The following NWD2 variants were observed in gnomAD, a reference collection of about 807,000 sequenced individuals.
NWD2 encodes NACHT and WD repeat domain containing 2.
NWD2 carries 37 observed loss-of-function variants against 132.7 expected under a neutral mutation model. That is an observed-to-expected ratio of 0.28 (90% CI 0.21 to 0.37). NWD2 has a LOEUF of 0.37. Ranked by LOEUF, NWD2 falls within the 10% of genes least tolerant of loss-of-function variation. The pLI, the probability that NWD2 is intolerant of heterozygous loss-of-function variation, is 1.00. For synonymous variants in NWD2, 705 were observed against 803.0 expected, an observed-to-expected ratio of 0.88 and a Z score of 2.06; for missense variants, 1,592 against 2,122.4, an observed-to-expected ratio of 0.75 and a Z score of 4.91.
intron 1 of NWD2, among the ~76,000 whole-genome samples, chr4:37,309,917 G>T (rs951753967): frequency 6.6e-6 from 1 of 152,152 alleles, no homozygotes; most frequent in African/African-American, 2.4e-5. Flanking sequence ...GCCTTTTTGT[G>T]TGAAGGAAGC....
intron 1 of NWD2, among the ~76,000 whole-genome samples, chr4:37,259,138 T>G (rs992952768): frequency 6.6e-6 from 1 of 152,228 alleles, no homozygotes; most frequent in African/African-American, 2.4e-5. Context: ...ATCTAGATTA[T>G]GCACTGCCCA....
chr4:37,316,443 A>G (rs1718959735), intron 1 of NWD2, among the ~76,000 whole-genome samples: 1 of 151,934 alleles, frequency 6.6e-6, no homozygotes, highest in African/African-American at 2.4e-5. Flanking sequence ...GTTTGACTAT[A>G]TGTGTCTAAA....
At chr4:37,279,633 C>A (rs1718088904) in intron 1 of NWD2, among the ~76,000 whole-genome samples, 1 of 152,014 alleles carries the variant, frequency 6.6e-6, no homozygotes, top group Non-Finnish European at 1.5e-5. Context: ...TCTTCCCTGG[C>A]AAAAATCAGT....
At chr4:37,423,550 G>A (rs144699481) in intron 3 of NWD2, among the ~76,000 whole-genome samples, 9 of 152,212 alleles carry the variant, frequency 5.9e-5, no homozygotes, top group South Asian at 2.1e-4. Flanking sequence ...GTCCAAGAGC[G>A]GAAGATCAAT....
intron 3 of NWD2, among the ~76,000 whole-genome samples, chr4:37,420,310 G>C (rs115224906): frequency 6.6e-6 from 1 of 152,112 alleles, no homozygotes; most frequent in African/African-American, 2.4e-5. Flanking sequence ...AAAGGTTGGT[G>C]ATCCTCAACT....
chr4:37,370,720 A>T lies in NWD2; in HGVS notation c.357+14238A>T, dbSNP rs906365634. ...AATTTATCAGATGAGATACGCTTTTAAAGAATCTAGATTAGTTGTCATATC... is the reference window on the plus strand; with the variant it reads ...AATTTATCAGATGAGATACGCTTTTTAAGAATCTAGATTAGTTGTCATATC... On this transcript the variant is annotated intron_variant, in intron 3 of 6. Transcript: ENST00000309447. Among the ~76,000 whole-genome samples the T allele has an allele frequency of 3.9e-5, 6 of 152,368 alleles. 1 individual carries two copies. Among genetic ancestry groups the T allele is most frequent in the Middle Eastern group, 6.8e-3 (2 of 294 alleles).
intron 2 of NWD2, among the ~76,000 whole-genome samples, chr4:37,345,898 T>C (rs1719624956): frequency 6.6e-6 from 1 of 151,992 alleles, no homozygotes; most frequent in Non-Finnish European, 1.5e-5. Context: ...ATGGCCAACA[T>C]GGCAAAATCC....
At chr4:37,386,852 CCCT>C in intron 3 of NWD2, among the ~76,000 whole-genome samples, 1 of 152,080 alleles carries the variant, frequency 6.6e-6, no homozygotes, top group Admixed American at 6.5e-5. Flanking sequence ...ATTGGAACCT[CCCT>C]CCTCTCTCTC....
At chr4:37,341,206 G>T (rs1045181420) in intron 2 of NWD2, among the ~76,000 whole-genome samples, 1 of 152,088 alleles carries the variant, frequency 6.6e-6, no homozygotes, top group Admixed American at 6.6e-5. Context: ...TATAAAATTG[G>T]CTTTGTGTTA....
chr4:37,355,417 C>G (rs1347939520), intron 2 of NWD2, among the ~76,000 whole-genome samples: 3 of 152,118 alleles, frequency 2.0e-5, no homozygotes, highest in African/African-American at 7.2e-5. Flanking sequence ...GGGCCCATAG[C>G]CAAGAAATGG....
At chr4:37,301,683 T>C (rs1278946849) in intron 1 of NWD2, among the ~76,000 whole-genome samples, 1 of 152,058 alleles carries the variant, frequency 6.6e-6, no homozygotes, top group African/African-American at 2.4e-5. Context: ...TTTTGTGGTT[T>C]CTTATTTGTA....
chr4:37,324,631 C>T (rs1003569659), intron 1 of NWD2, among the ~76,000 whole-genome samples: 2 of 152,128 alleles, frequency 1.3e-5, no homozygotes, highest in African/African-American at 4.8e-5. Flanking sequence ...ATGGGTGTCC[C>T]GCTTTTTCTC....
chr4:37,267,499 A>G (rs1387541064), intron 1 of NWD2, among the ~76,000 whole-genome samples: 1 of 151,968 alleles, frequency 6.6e-6, no homozygotes, highest in Non-Finnish European at 1.5e-5. Context: ...AGGGATGCCT[A>G]CATTTTAAAA....
intron 1 of NWD2, among the ~76,000 whole-genome samples, chr4:37,279,269 G>GA (rs1209310152): frequency 6.6e-6 from 1 of 152,104 alleles, no homozygotes; most frequent in Non-Finnish European, 1.5e-5. Context: ...GCCTTCAATG[G>GA]AAAATCCTAC....
At chr4:37,374,143 T>G (rs1272853301) in intron 3 of NWD2, among the ~76,000 whole-genome samples, 10 of 152,180 alleles carry the variant, frequency 6.6e-5, no homozygotes, top group Admixed American at 6.5e-4. Context: ...GCTTGGGGCT[T>G]TCCCCATAGT....
intron 3 of NWD2, among the ~76,000 whole-genome samples, chr4:37,356,970 CA>C (rs1359412261): frequency 1.3e-5 from 2 of 152,164 alleles, no homozygotes; most frequent in African/African-American, 4.8e-5. Flanking sequence ...TTTGTTTCTA[CA>C]GTGATTTTCA....
chr4:37,364,639 A>T (rs529601722), intron 3 of NWD2, among the ~76,000 whole-genome samples: 2 of 151,728 alleles, frequency 1.3e-5, no homozygotes, highest in East Asian at 3.9e-4. Context: ...TGGGCATATC[A>T]CCATTGTTGC....
intron 3 of NWD2, among the ~76,000 whole-genome samples, chr4:37,423,808 C>T (rs1711898775): frequency 6.6e-6 from 1 of 152,186 alleles, no homozygotes; most frequent in Non-Finnish European, 1.5e-5. Flanking sequence ...TTAACCATCA[C>T]ATCCCCATTT....
intron 2 of NWD2, among the ~76,000 whole-genome samples, chr4:37,354,235 C>T (rs1719826420): frequency 6.6e-6 from 1 of 152,094 alleles, no homozygotes; most frequent in South Asian, 2.1e-4. Context: ...CAGAGGGGCA[C>T]CCACCAGATG....
Sources: allele counts gnomAD v4.1 joint callset (sites outside exome capture counted in the v4.1 genomes callset), GRCh38; gene constraint gnomAD v4.1.1; transcripts MANE v1.5; gene names NCBI Gene and HGNC (gene_info 2026-07-23, HGNC 2026-07-21).